Variants in MCPH1 observed in about 807,000 individuals in gnomAD.
MCPH1 encodes microcephalin.
Under a neutral mutation model 84.5 loss-of-function variants are expected in MCPH1, and 104 were observed. That is an observed-to-expected ratio of 1.23 (90% CI 1.05 to 1.45). MCPH1 has a LOEUF of 1.45. Ranked by LOEUF, MCPH1 falls within the 40% of genes most tolerant of loss-of-function variation. MCPH1 has a pLI of 0.00. For synonymous variants in MCPH1, 514 were observed against 366.8 expected (o/e 1.40, Z -4.58); for missense variants, 1,498 against 1,005.7 (o/e 1.49, Z -6.62).
At chr8:6,458,797 A>C (rs991851636) in intron 9 of MCPH1, among the ~76,000 whole-genome samples, 3 of 152,096 alleles carry the variant, frequency 2.0e-5, no homozygotes, top group African/African-American at 7.2e-5. Flanking sequence ...GGCACCCGCC[A>C]GCACGCCTGG....
chr8:6,565,178 T>C (rs1450114994), intron 12 of MCPH1, among the ~76,000 whole-genome samples: 1 of 152,336 alleles, frequency 6.6e-6, no homozygotes, highest in East Asian at 1.9e-4. Flanking sequence ...AGTCATAAGA[T>C]GGAGATCATT....
intron 12 of MCPH1, among the ~76,000 whole-genome samples, chr8:6,551,156 GATTTTAAATC>G (rs1453720508): frequency 1.3e-5 from 2 of 152,260 alleles, no homozygotes; most frequent in East Asian, 3.9e-4. Flanking sequence ...GCTGACTTAG[GATTTTAAATC>G]ACTTAAATTT....
At chr8:6,476,287 G>C (rs1000651511) in intron 9 of MCPH1, among the ~76,000 whole-genome samples, 1 of 151,948 alleles carries the variant, frequency 6.6e-6, no homozygotes, top group Non-Finnish European at 1.5e-5. Flanking sequence ...AAATTAGCTC[G>C]GTATGGTAGT....
chr8:6,529,272 G>A (rs989248213), intron 12 of MCPH1, among the ~76,000 whole-genome samples: 1 of 152,128 alleles, frequency 6.6e-6, no homozygotes, highest in Non-Finnish European at 1.5e-5. Context: ...GCCACCCATT[G>A]TTGCTCAATT....
intron 12 of MCPH1, chr8:6,501,862 T>C (rs1812261958): frequency 1.3e-5 from 2 of 151,960 alleles, no homozygotes; most frequent in Admixed American, 1.3e-4. Context: ...AGCCCTGTGT[T>C]CTCAAATTTT....
At chr8:6,579,293 C>T (rs757026698) in intron 12 of MCPH1, among the ~76,000 whole-genome samples, 5 of 152,194 alleles carry the variant, frequency 3.3e-5, no homozygotes, top group Non-Finnish European at 7.4e-5. Context: ...GCCCCCTTTC[C>T]CGGTCCCCTT....
intron 5 of MCPH1, 144 bp downstream of exon 5, chr8:6,436,306 G>A: frequency 1.1e-6 from 1 of 884,266 alleles, no homozygotes; most frequent in Non-Finnish European, 1.7e-6. Context: ...CAAAATGTCA[G>A]GAGCCTGCGG....
chr8:6,525,520 G>GT (rs1818175977), intron 12 of MCPH1, among the ~76,000 whole-genome samples: 1 of 152,222 alleles, frequency 6.6e-6, no homozygotes, highest in South Asian at 2.1e-4. Context: ...ATGAGCCACT[G>GT]TGCCTGGCTT....
At chr8:6,471,564 G>C (rs1476431141) in intron 9 of MCPH1, among the ~76,000 whole-genome samples, 3 of 152,102 alleles carry the variant, frequency 2.0e-5, no homozygotes, top group East Asian at 3.9e-4. Context: ...CCAGAATATA[G>C]AGTGTTAAAA....
At chr8:6,537,339 G>A (rs571763037) in intron 12 of MCPH1, among the ~76,000 whole-genome samples, 104 of 152,224 alleles carry the variant, frequency 6.8e-4, no homozygotes, top group Non-Finnish European at 9.6e-4. Flanking sequence ...AGTCGGCAAA[G>A]TGTGGGGCCT....
chr8:6,624,803 G>C, intron 13 of MCPH1: 1 of 985,182 alleles, frequency 1.0e-6, no homozygotes, highest in African/African-American at 1.7e-5. Flanking sequence ...ACACAGTCCA[G>C]GGCATTGCGT....
chr8:6,488,205 A>G (rs1197304392), intron 11 of MCPH1, among the ~76,000 whole-genome samples: 2 of 152,214 alleles, frequency 1.3e-5, no homozygotes, highest in African/African-American at 2.4e-5. Flanking sequence ...GCTGCGGTCT[A>G]GGTCCTCCAT....
chr8:6,453,247 C>G (rs1805285170), intron 8 of MCPH1, among the ~76,000 whole-genome samples: 2 of 152,204 alleles, frequency 1.3e-5, no homozygotes, highest in East Asian at 3.8e-4. Flanking sequence ...GCACTCTCAA[C>G]TGCTTTGGGT....
chr8:6,508,943 A>G (rs1814360073), intron 12 of MCPH1: 3 of 1,614,142 alleles, frequency 1.9e-6, no homozygotes, highest in Non-Finnish European at 2.5e-6. Context: ...TCCTGTTAGC[A>G]TTTGTGAACA....
At chr8:6,493,968 T>G (rs776209997) in intron 11 of MCPH1, among the ~76,000 whole-genome samples, 3 of 151,716 alleles carry the variant, frequency 2.0e-5, no homozygotes, top group Non-Finnish European at 4.4e-5. Context: ...TGAGACAGAG[T>G]TTCGCTCTGT....
chr8:6,428,608 C>G (rs1025821167), intron 3 of MCPH1, among the ~76,000 whole-genome samples: 4 of 152,258 alleles, frequency 2.6e-5, no homozygotes, highest in Admixed American at 2.0e-4. Context: ...TAAGCGGAAT[C>G]ATATGATATA....
intron 10 of MCPH1, among the ~76,000 whole-genome samples, chr8:6,479,796 C>T (rs572835785): frequency 9.2e-5 from 14 of 151,846 alleles, no homozygotes; most frequent in Non-Finnish European, 1.0e-4. Context: ...GGAAGTTGGA[C>T]GGAAAGAATA....
chr8:6,597,487 G>C (rs1829019632), intron 12 of MCPH1, among the ~76,000 whole-genome samples: 1 of 152,112 alleles, frequency 6.6e-6, no homozygotes, highest in Non-Finnish European at 1.5e-5. Context: ...AAATACCGAA[G>C]ACTGTGCAAA....
At chr8:6,520,135 T>A in intron 12 of MCPH1, 1 of 892,372 alleles carries the variant, frequency 1.1e-6, no homozygotes, top group Non-Finnish European at 1.6e-6. Flanking sequence ...TTAACCTTTC[T>A]AGAAAGTTTC....
Sources: gnomAD v4.1 joint callset for allele counts (sites outside exome capture counted in the v4.1 genomes callset) on GRCh38, gnomAD v4.1.1 for gene constraint, MANE v1.5 for transcripts, NCBI Gene and HGNC (gene_info 2026-07-23, HGNC 2026-07-21) for gene names.